The following NOM1 variants were observed in gnomAD, a reference collection of about 807,000 sequenced individuals.
NOM1 encodes nucleolar MIF4G domain-containing protein 1.
NOM1 carries 58 observed loss-of-function variants against 73.3 expected under a neutral mutation model. The observed-to-expected ratio is 0.79, with a 90% CI of 0.64 to 0.99. The LOEUF (loss-of-function observed/expected upper bound fraction) is 0.99, where lower values mean the gene tolerates loss of function less well. Ranked by LOEUF, NOM1 falls within the 50% of genes least tolerant of loss-of-function variation. The probability of loss-of-function intolerance (pLI) is 0.00; values close to 1 mark genes in which losing one functional copy is unlikely to be tolerated. For synonymous variants in NOM1, 487 were observed against 446.8 expected (o/e 1.09, Z -1.14); for missense variants, 1,226 against 1,131.9 (o/e 1.08, Z -1.19).
intron 4 of NOM1, among the ~76,000 whole-genome samples, chr7:156,961,842 C>T (rs181178064): frequency 1.1e-3 from 172 of 151,964 alleles, no homozygotes; most frequent in African/African-American, 4.0e-3. Context: ...TAGTAGAGGC[C>T]GGGGTGGCCG....
At chr7:156,959,323 C>G (rs1435857177) in intron 3 of NOM1, among the ~76,000 whole-genome samples, 1 of 141,388 alleles carries the variant, frequency 7.1e-6, no homozygotes, top group Admixed American at 6.9e-5. Context: ...AGGATGGTCT[C>G]GATCTCCTGA....
chr7:156,949,863 G>A lies in NOM1; in HGVS notation c.126G>A (p.Leu42=). The change falls in exon 1 of 11, where the codon CTG becomes CTA. Residue 42 remains leucine, a synonymous_variant. Transcript: ENST00000275820. ...CTGCTGGCGGTGGGGAGAAGGCCCTGAAGAGGCTGAAGCTAGCGGTGGAGG... is the reference window on the plus strand; with the variant it reads ...CTGCTGGCGGTGGGGAGAAGGCCCTAAAGAGGCTGAAGCTAGCGGTGGAGG... ...RGPAGGGEKA[L]KRLKLAVEEF... 4.0e-6 allele frequency: 6 copies of A among 1,510,870 alleles called. No homozygotes were observed. Among genetic ancestry groups the A allele is most frequent in the Non-Finnish European group, 5.3e-6 (6 of 1,129,586 alleles). The allele number at this position is 1,510,870 out of a possible 1,614,324, so 93.6% of individuals were successfully genotyped here.
At position 156,970,003 on chromosome 7, in the gene NOM1, T is replaced by C. The variant is rs1338017736; in HGVS notation, c.*300T>C. 5.6e-6 allele frequency: 1 copy of C among 179,532 alleles called. No individual in the cohort carries two copies. The highest frequency in any genetic ancestry group is 1.2e-5 in the Non-Finnish European group (1 of 85,728). 11.1% of individuals were successfully genotyped at this position (179,532 alleles called of 1,614,324 possible). On this transcript the variant is annotated 3_prime_UTR_variant, in exon 11 of 11. Coordinates refer to ENST00000275820, the MANE Select transcript of NOM1 (RefSeq NM_138400.2). ...GATTGTCTTAAAATTTTTTAATAGATATGGCCGAGCGTGATGGCTCACCCC... is the reference window on the plus strand; with the variant it reads ...GATTGTCTTAAAATTTTTTAATAGACATGGCCGAGCGTGATGGCTCACCCC...
In NOM1 at chr7:156,966,387, T is replaced by C; in HGVS notation, c.2151T>C (p.Tyr717=). The change falls in exon 8 of 11, where the codon TAT becomes TAC. Residue 717 remains tyrosine, a synonymous_variant. Coordinates refer to ENST00000275820, the MANE Select transcript of NOM1 (RefSeq NM_138400.2). ...TCCTGGCTAGCAAATTCTGTGAATA[T>C]GAAAGGAGATTTCAGGTAGCTTAGT... ...YAFLASKFCE[Y]ERRFQMTFQF... is the part of the protein sequence containing the mutation. The C allele has an allele frequency of 1.9e-6, 3 of 1,614,210 alleles. No individual in the cohort carries two copies. The highest frequency in any genetic ancestry group is 1.3e-5 in the African/African-American group (1 of 75,070).
At chr7:156,962,287 T>C (rs3750131) in intron 5 of NOM1, 26 bp downstream of exon 5, 341,335 of 1,560,396 alleles carry the variant, frequency 0.22, 38,992 homozygotes, top group East Asian at 0.36. Context: ...TTCAATTCTG[T>C]TTTGCTCAGA....
intron 2 of NOM1, among the ~76,000 whole-genome samples, chr7:156,953,066 A>C (rs1239851616): frequency 6.6e-6 from 1 of 152,190 alleles, no homozygotes; most frequent in Non-Finnish European, 1.5e-5. Flanking sequence ...CGTGCCCATC[A>C]GCTCTTTGGT....
intron 9 of NOM1, among the ~76,000 whole-genome samples, chr7:156,968,159 T>C (rs1254523496): frequency 6.6e-6 from 1 of 152,156 alleles, no homozygotes; most frequent in Non-Finnish European, 1.5e-5. Flanking sequence ...TCCTGACAAC[T>C]GGAATAACTT....
At chr7:156,957,855 C>T (rs1398959968) in intron 3 of NOM1, among the ~76,000 whole-genome samples, 1 of 150,938 alleles carries the variant, frequency 6.6e-6, no homozygotes, top group Non-Finnish European at 1.5e-5. Context: ...TTGACGTCTG[C>T]AGAATTCTAA....
At chr7:156,951,159 G>A (rs1369119462) in intron 1 of NOM1, among the ~76,000 whole-genome samples, 1 of 152,164 alleles carries the variant, frequency 6.6e-6, no homozygotes, top group East Asian at 1.9e-4. Context: ...TAAAGATAAA[G>A]GCTGAGGCGG....
At position 156,971,819 on chromosome 7, in the gene NOM1, CT is replaced by C. The variant is rs1391105330; in HGVS notation, c.*2118del. The C allele has an allele frequency of 6.6e-6, 1 of 152,266 alleles. No homozygotes were observed. Among genetic ancestry groups the C allele is most frequent in the Admixed American group, 6.5e-5 (1 of 15,288 alleles). 9.4% of individuals were successfully genotyped at this position (152,266 alleles called of 1,614,324 possible). On this transcript the variant is annotated 3_prime_UTR_variant, in exon 11 of 11. Coordinates refer to ENST00000275820, the MANE Select transcript of NOM1 (RefSeq NM_138400.2). ...ACAGAGACTGTGTCGTCCCTACAGA[CT>C]TCTAACCCTGCATTCAGCAACATCA...
At chr7:156,960,200 T>C (rs1326656775) in intron 4 of NOM1, 26 bp downstream of exon 4, 2 of 1,578,252 alleles carry the variant, frequency 1.3e-6, no homozygotes, top group Non-Finnish European at 1.7e-6. Context: ...TTGATCTGCT[T>C]CCTAAGTCCC....
intron 3 of NOM1, among the ~76,000 whole-genome samples, chr7:156,957,686 G>A (rs1204067811): frequency 1.4e-5 from 2 of 147,902 alleles, no homozygotes; most frequent in East Asian, 2.1e-4. Context: ...GAGGCAGGAG[G>A]ATGGCGTGAA....
chr7:156,949,772 CG>C lies in NOM1; in HGVS notation c.38del (p.Gly13AlafsTer10). ...AASRSAGEAG[P>X]GGSQGRVVRM... ...TCCAGGAGCGCGGGAGAGGCCGGCC[CG>C]GGCGGCTCCCAGGGACGCGTGGTCC... On this transcript the variant is annotated frameshift_variant, in exon 1 of 11. Coordinates refer to ENST00000275820, the MANE Select transcript of NOM1 (RefSeq NM_138400.2). LOFTEE classifies it high-confidence loss of function. The C allele has an allele frequency of 1.4e-6, 2 of 1,402,586 alleles. No individual in the cohort carries two copies. The highest frequency in any genetic ancestry group is 1.8e-6 in the Non-Finnish European group (2 of 1,083,694). The allele number at this position is 1,402,586 out of a possible 1,614,324, so 86.9% of individuals were successfully genotyped here.
chr7:156,966,241 G>C, intron 7 of NOM1, 29 bp from the exon 8 acceptor site: 1 of 1,611,414 alleles, frequency 6.2e-7, no homozygotes, highest in Non-Finnish European at 8.5e-7. Context: ...GTCGAGTGAT[G>C]TTCCAGTCAT....
At chr7:156,964,104 G>C in intron 7 of NOM1, 78 bp downstream of exon 7, 1 of 1,481,218 alleles carries the variant, frequency 6.8e-7, no homozygotes, top group South Asian at 1.2e-5. Context: ...TTTGAGTTTT[G>C]GACGACTGAG....
chr7:156,953,746 C>T (rs2134773200), intron 2 of NOM1, among the ~76,000 whole-genome samples: 1 of 152,272 alleles, frequency 6.6e-6, no homozygotes, highest in East Asian at 1.9e-4. Flanking sequence ...AAAACGTTAG[C>T]ATTTTTTCTA....
rs1804886694 is a variant in NOM1, at chr7:156,962,347, C to T, written c.1743+86C>T. Reference sequence around the variant, plus strand: ...CATGAAAATCAAGAAATAGTCAGACCTGCACGTCAGGGTGGTGTCTGGTGA... The same window carrying T: ...CATGAAAATCAAGAAATAGTCAGACTTGCACGTCAGGGTGGTGTCTGGTGA... On this transcript the variant is annotated intron_variant, in intron 5 of 10. Transcript: ENST00000275820. 5.4e-6 allele frequency: 6 copies of T among 1,107,310 alleles called. 1 individual carries two copies. The South Asian group carries it at 7.6e-5, about 14-fold the overall frequency. 68.6% of individuals were successfully genotyped at this position (1,107,310 alleles called of 1,614,324 possible). A position where few individuals can be genotyped will look rare whatever the true frequency, so the allele number is the denominator to read the frequency against.
At chr7:156,951,927 T>G (rs1467402016) in intron 1 of NOM1, among the ~76,000 whole-genome samples, 1 of 152,106 alleles carries the variant, frequency 6.6e-6, no homozygotes, top group Non-Finnish European at 1.5e-5. Flanking sequence ...AGGATGGTCT[T>G]GATCTCCTGA....
chr7:156,952,580 TA>T lies in NOM1; in HGVS notation c.1098del (p.Gly367ValfsTer6), dbSNP rs753471734. The T allele has an allele frequency of 5.6e-6, 9 of 1,613,824 alleles. No homozygotes were observed. Among genetic ancestry groups the T allele is most frequent in the African/African-American group, 1.3e-5 (1 of 74,904 alleles). ...KEELERLKKH[V>X]KGLLNRLSEP... ...GAACTAGAAAGGCTGAAGAAACATG[TA>T]AAAGGTCTACTTAACAGGTGACCTT... is the stretch of plus-strand genomic sequence containing the variant. On this transcript the variant is annotated frameshift_variant, in exon 2 of 11. Coordinates refer to ENST00000275820, the MANE Select transcript of NOM1 (RefSeq NM_138400.2). LOFTEE classifies it high-confidence loss of function.
Sources: gnomAD v4.1 joint callset for allele counts (sites outside exome capture counted in the v4.1 genomes callset) on GRCh38, gnomAD v4.1.1 for gene constraint, MANE v1.5 for transcripts, NCBI Gene and HGNC (gene_info 2026-07-23, HGNC 2026-07-21) for gene names.